The following KIAA1328 variants were observed in gnomAD, a reference collection of about 807,000 sequenced individuals.
The protein encoded by KIAA1328 is protein hinderin.
A neutral mutation model predicts 68.1 loss-of-function variants in KIAA1328; 52 were observed. That is an observed-to-expected ratio of 0.76 (90% CI 0.61 to 0.96). The LOEUF is 0.96. KIAA1328 is among the 40% of genes least tolerant of loss of function. The pLI, the probability that KIAA1328 is intolerant of heterozygous loss-of-function variation, is 0.00. For missense variants in KIAA1328, 641 were observed against 677.6 expected, an observed-to-expected ratio of 0.95 and a Z score of 0.60; for synonymous variants, 232 against 239.4, an observed-to-expected ratio of 0.97 and a Z score of 0.28.
At chr18:37,084,838 A>T (rs1434196138) in intron 7 of KIAA1328, among the ~76,000 whole-genome samples, 1 of 152,190 alleles carries the variant, frequency 6.6e-6, no homozygotes, top group African/African-American at 2.4e-5. Context: ...TCACATTGCC[A>T]AACTGTTTTG....
chr18:36,994,940 CTATTTATTTATT>C (rs10573421), intron 6 of KIAA1328, among the ~76,000 whole-genome samples: 9 of 149,428 alleles, frequency 6.0e-5, no homozygotes, highest in Non-Finnish European at 8.9e-5. Context: ...CATTCACCCA[CTATTTATTTATT>C]TATTTATTTA....
chr18:36,867,809 T>C (rs1481233082), intron 4 of KIAA1328, among the ~76,000 whole-genome samples: 1 of 152,184 alleles, frequency 6.6e-6, no homozygotes, highest in African/African-American at 2.4e-5. Flanking sequence ...ATTGATGCAT[T>C]CAAACAGGGT....
rs2051772488 is a variant in KIAA1328 at position 36,963,284 on chromosome 18, A to G, written c.576+3849A>G. Among the ~76,000 whole-genome samples, 3 of 152,148 alleles carry G rather than the reference A, an allele frequency of 2.0e-5. No homozygotes were observed. In the South Asian group the frequency reaches 6.2e-4, roughly 32 times the overall value. ...GGTAAGAGAAAATGGTAGTGTGAAG[A>G]TCAGATTTCAGACCTTTGGTTTTGC... On this transcript the variant is annotated intron_variant, in intron 6 of 9. Transcript: ENST00000280020.
intron 6 of KIAA1328, among the ~76,000 whole-genome samples, chr18:36,965,534 C>T (rs1172065909): frequency 1.5e-5 from 2 of 137,808 alleles, no homozygotes; most frequent in East Asian, 4.5e-4. Flanking sequence ...CCACGCCTGG[C>T]TAATTTTTGT....
chr18:37,226,867 A>G (rs2060642784), downstream of KIAA1328, among the ~76,000 whole-genome samples: 1 of 151,814 alleles, frequency 6.6e-6, no homozygotes, highest in East Asian at 1.9e-4. Flanking sequence ...TCCCGGGTTC[A>G]AGCAATTCTT....
rs146122801 is a variant in KIAA1328, at chr18:36,947,789, C to A, written c.449-11519C>A. ...AAGAGATAGCTTTGCAGGACCATTT[C>A]AAAATATGTCAAAGAAATATATTTT... is the stretch of plus-strand genomic sequence containing the variant. On this transcript the variant is annotated intron_variant, in intron 5 of 9. Coordinates refer to ENST00000280020, the MANE Select transcript of KIAA1328 (RefSeq NM_020776.3). 6.7e-3 allele frequency among the ~76,000 whole-genome samples: 1,023 copies of A among 152,190 alleles called. 16 individuals are homozygous for A. The highest frequency in any genetic ancestry group is 0.023 in the African/African-American group (948 of 41,538).
chr18:36,887,222 A>G (rs1356391357), intron 5 of KIAA1328, among the ~76,000 whole-genome samples: 1 of 151,814 alleles, frequency 6.6e-6, no homozygotes, highest in East Asian at 1.9e-4. Context: ...ATTTAAAGGA[A>G]TGCTGTTTAG....
At chr18:37,226,774 AT>A (rs56834709), downstream of KIAA1328, among the ~76,000 whole-genome samples, 76 of 134,280 alleles carry the variant, frequency 5.7e-4, no homozygotes, top group East Asian at 8.8e-4. Context: ...CATGCAAAAC[AT>A]TTTTTTTTTT....
downstream of KIAA1328, chr18:37,225,349 T>G (rs2060627742): frequency 1.0e-6 from 1 of 979,052 alleles, no homozygotes; most frequent in Non-Finnish European, 1.2e-6. Context: ...GGTTTGATAT[T>G]GAATTGTCCC....
intron 6 of KIAA1328, among the ~76,000 whole-genome samples, chr18:37,027,025 T>G (rs2054610796): frequency 6.6e-6 from 1 of 152,202 alleles, no homozygotes; most frequent in South Asian, 2.1e-4. Flanking sequence ...TTTAGCAAAG[T>G]CTCTGGATAC....
chr18:36,872,362 G>A (rs1201958366), intron 4 of KIAA1328, among the ~76,000 whole-genome samples: 1 of 152,090 alleles, frequency 6.6e-6, no homozygotes, highest in African/African-American at 2.4e-5. Flanking sequence ...AGACTAACAA[G>A]TATCTAGTAA....
chr18:37,194,412 T>C (rs1052214814), intron 9 of KIAA1328, among the ~76,000 whole-genome samples: 4 of 152,248 alleles, frequency 2.6e-5, no homozygotes, highest in African/African-American at 4.8e-5. Context: ...TCCACTGTTA[T>C]TAGTCTTTTT....
rs557993679 is a variant in KIAA1328 at position 37,044,807 on chromosome 18, A to G, written c.577-22083A>G. ...GAGTAAGACTCCGGCTCAAAAAAAA[A>G]AAAAAAAATTCAAAGCAACAGTTTA... On this transcript the variant is annotated intron_variant, in intron 6 of 9. Transcript: ENST00000280020. 4.5e-3 allele frequency among the ~76,000 whole-genome samples: 678 copies of G among 152,094 alleles called. 4 individuals are homozygous for G. The highest frequency in any genetic ancestry group is 0.018 in the South Asian group (89 of 4,818).
chr18:36,868,158 A>C lies in KIAA1328; in HGVS notation c.333-17399A>C, dbSNP rs1429695871. ...TGGGCTAATGAAAGACAGAAGCCAC[A>C]AAGAGAAATTAGGGGTATAGTGAAT... On this transcript the variant is annotated intron_variant, in intron 4 of 9. Transcript: ENST00000280020. Among the ~76,000 whole-genome samples the C allele has an allele frequency of 2.0e-5, 3 of 152,324 alleles. No individual in the cohort carries two copies. The South Asian group carries it at 6.2e-4, about 32-fold the overall frequency.
intron 4 of KIAA1328, among the ~76,000 whole-genome samples, chr18:36,861,309 T>C (rs1043813631): frequency 1.3e-5 from 2 of 152,220 alleles, no homozygotes; most frequent in Admixed American, 1.3e-4. Flanking sequence ...TTGATATGTC[T>C]TATCACTGGT....
chr18:36,888,513 C>T (rs1345068180), intron 5 of KIAA1328, among the ~76,000 whole-genome samples: 3 of 151,842 alleles, frequency 2.0e-5, no homozygotes, highest in African/African-American at 7.3e-5. Context: ...AGGATTGGAG[C>T]AAATGGTATA....
At chr18:36,871,800 A>C (rs908882177) in intron 4 of KIAA1328, among the ~76,000 whole-genome samples, 3 of 152,080 alleles carry the variant, frequency 2.0e-5, no homozygotes, top group Non-Finnish European at 4.4e-5. Context: ...AGGGAAAGAC[A>C]GGTGTGAGTC....
chr18:36,881,682 A>G (rs1391756735), intron 4 of KIAA1328, among the ~76,000 whole-genome samples: 2 of 152,202 alleles, frequency 1.3e-5, no homozygotes, highest in African/African-American at 4.8e-5. Flanking sequence ...CCCATTCTAG[A>G]TATCTCATAA....
chr18:36,944,887 A>G (rs2050843691), intron 5 of KIAA1328, among the ~76,000 whole-genome samples: 1 of 152,332 alleles, frequency 6.6e-6, no homozygotes, highest in East Asian at 1.9e-4. Context: ...TGGAAAACAT[A>G]TAGGGCCAAA....
Sources: gnomAD v4.1 joint callset for allele counts (sites outside exome capture counted in the v4.1 genomes callset) on GRCh38, gnomAD v4.1.1 for gene constraint, MANE v1.5 for transcripts, NCBI Gene and HGNC (gene_info 2026-07-23, HGNC 2026-07-21) for gene names.